Variants in KCNH5 observed in about 807,000 individuals in gnomAD.
The protein encoded by KCNH5 is potassium voltage-gated channel subfamily H member 5.
Under a neutral mutation model 96.1 loss-of-function variants are expected in KCNH5, and 46 were observed. The ratio of observed to expected loss-of-function variants is 0.48; its 90% confidence interval spans 0.38 to 0.61. The LOEUF (loss-of-function observed/expected upper bound fraction) is 0.61. Among genes scored for constraint, KCNH5 ranks in the 20% least tolerant of loss-of-function variants. The pLI, the probability that KCNH5 is intolerant of heterozygous loss-of-function variation, is 0.00. For missense variants in KCNH5, 907 were observed against 1,225.8 expected (o/e 0.74, Z 3.88); for synonymous variants, 439 against 449.8 (o/e 0.98, Z 0.30).
intron 6 of KCNH5, among the ~76,000 whole-genome samples, chr14:62,962,398 G>C (rs1487127728): frequency 6.6e-6 from 1 of 152,096 alleles, no homozygotes; most frequent in Admixed American, 6.6e-5. Flanking sequence ...AAACTGCAAT[G>C]GATTAATTAA....
At chr14:63,027,379 T>C (rs939299605) in intron 1 of KCNH5, among the ~76,000 whole-genome samples, 2 of 151,630 alleles carry the variant, frequency 1.3e-5, no homozygotes, top group Non-Finnish European at 2.9e-5. Context: ...AGTGAGGTAA[T>C]GAATATATGA....
At position 62,716,666 on chromosome 14, in the gene KCNH5, T is replaced by C. The variant is rs1884692822; in HGVS notation, c.2020-8211A>G. 3.3e-5 allele frequency among the ~76,000 whole-genome samples: 5 copies of C among 152,140 alleles called. No homozygotes were observed. In the South Asian group the frequency reaches 1.0e-3, roughly 31 times the overall value. ...ATAATTTTCAGAGCCCGATGCAAGA[T>C]TAAAAAGTCAGGGCCTCTAACATCA... is the stretch of plus-strand genomic sequence containing the variant. On this transcript the variant is annotated intron_variant, in intron 10 of 10. Coordinates refer to ENST00000322893, the MANE Select transcript of KCNH5 (RefSeq NM_139318.5).
At chr14:62,922,355 T>C (rs1889396161) in intron 7 of KCNH5, among the ~76,000 whole-genome samples, 1 of 152,080 alleles carries the variant, frequency 6.6e-6, no homozygotes, top group Non-Finnish European at 1.5e-5. Flanking sequence ...ATTTACATTA[T>C]ATAGTAGACA....
At chr14:62,907,690 T>A (rs1566703213) in intron 7 of KCNH5, among the ~76,000 whole-genome samples, 1 of 152,210 alleles carries the variant, frequency 6.6e-6, no homozygotes, top group Non-Finnish European at 1.5e-5. Context: ...AGGATTGCCA[T>A]ACCTAGTCAT....
Position 62,706,950 on chromosome 14 carries a change from C to T in KCNH5, c.*558G>A, listed in dbSNP as rs1358551436. 2.0e-5 allele frequency: 3 copies of T among 152,296 alleles called. No homozygotes were observed. The highest frequency in any genetic ancestry group is 7.2e-5 in the African/African-American group (3 of 41,562). The allele number at this position is 152,296 out of a possible 1,614,324, so 9.4% of individuals were successfully genotyped here. A position where few individuals can be genotyped will look rare whatever the true frequency, so the allele number is the denominator to read the frequency against. On this transcript the variant is annotated 3_prime_UTR_variant, in exon 11 of 11. Coordinates refer to ENST00000322893, the MANE Select transcript of KCNH5 (RefSeq NM_139318.5). ...AGTTTTCAATATCCCACACTCTTAT[C>T]TGACTTAGGCAACTAAACAGTCATT...
At chr14:63,020,604 G>A (rs1891407826) in intron 1 of KCNH5, among the ~76,000 whole-genome samples, 1 of 152,058 alleles carries the variant, frequency 6.6e-6, no homozygotes, top group African/African-American at 2.4e-5. Context: ...AATATTATAT[G>A]ATGATAGGGA....
chr14:62,735,798 G>A (rs1885143765), intron 10 of KCNH5, among the ~76,000 whole-genome samples: 1 of 152,124 alleles, frequency 6.6e-6, no homozygotes, highest in Non-Finnish European at 1.5e-5. Flanking sequence ...CAAAAAAATG[G>A]TTATTAGGAT....
rs1418946565 is a variant in KCNH5, at chr14:62,924,090, C to T, written c.1369+26043G>A. On this transcript the variant is annotated intron_variant, in intron 7 of 10. Transcript: ENST00000322893. ...ACTAATCTGATAAGAGGTTAATATC[C>T]AAAATATATAAGGAACCCATACAAC... 2.0e-5 allele frequency among the ~76,000 whole-genome samples: 3 copies of T among 151,766 alleles called. No individual in the cohort carries two copies. In the East Asian group the frequency reaches 5.8e-4, roughly 29 times the overall value.
At chr14:62,999,097 G>T (rs10136345) in intron 4 of KCNH5, among the ~76,000 whole-genome samples, 94 of 152,108 alleles carry the variant, frequency 6.2e-4, no homozygotes, top group South Asian at 3.9e-3. Context: ...TCTAGATCCC[G>T]GAGGAATCGC....
chr14:62,926,832 G>T (rs1485812468), intron 7 of KCNH5, among the ~76,000 whole-genome samples: 2 of 152,020 alleles, frequency 1.3e-5, no homozygotes, highest in Admixed American at 1.3e-4. Context: ...TGAAATTGAG[G>T]GAGACACAAT....
intron 8 of KCNH5, among the ~76,000 whole-genome samples, chr14:62,823,582 C>T (rs991421368): frequency 6.6e-6 from 1 of 152,078 alleles, no homozygotes; most frequent in Non-Finnish European, 1.5e-5. Flanking sequence ...ATCCATTTAA[C>T]CCCTCCTGTC....
At chr14:62,949,883 C>A (rs1889966193) in intron 7 of KCNH5, 1 of 306,404 alleles carries the variant, frequency 3.3e-6, no homozygotes, top group East Asian at 7.2e-5. Flanking sequence ...GGATGCTGGT[C>A]CTGGTTCCTT....
rs989083599 is a variant in KCNH5, at chr14:62,706,773, T to A, written c.*735A>T. ...AGTTTAGTATTTATGATGTTGATAA[T>A]GTCAGCTTACAAGATGGCAGCTGTT... On this transcript the variant is annotated 3_prime_UTR_variant, in exon 11 of 11. Transcript: ENST00000322893. 1.3e-5 allele frequency: 2 copies of A among 152,172 alleles called. No homozygotes were observed. The highest frequency in any genetic ancestry group is 4.8e-5 in the African/African-American group (2 of 41,454). The allele number at this position is 152,172 out of a possible 1,614,324, so 9.4% of individuals were successfully genotyped here. A position where few individuals can be genotyped will look rare whatever the true frequency, so the allele number is the denominator to read the frequency against.
At chr14:62,715,179 G>A (rs1328237037) in intron 10 of KCNH5, among the ~76,000 whole-genome samples, 2 of 152,058 alleles carry the variant, frequency 1.3e-5, no homozygotes, top group Non-Finnish European at 2.9e-5. Context: ...ATTTGAATGT[G>A]TACTGAACTT....
rs1243527176 is a variant in KCNH5 at position 62,981,102 on chromosome 14, A to C, written c.712T>G (p.Phe238Val). 1 of 1,614,228 alleles carries C rather than the reference A, an allele frequency of 6.2e-7. No individual in the cohort carries two copies. Among genetic ancestry groups the C allele is most frequent in the Non-Finnish European group, 8.5e-7 (1 of 1,180,040 alleles). ...TAIMVPYNVS[F>V]KTKQNNIAWL... ...GCTATGTTGTTCTGCTTTGTTTTGA[A>C]GGAAACATTATAAGGAACCATAATG... The change falls in exon 6 of 11, where the codon TTC becomes GTC. Residue 238 changes from phenylalanine (F) to valine (V), a missense_variant. Coordinates refer to ENST00000322893, the MANE Select transcript of KCNH5 (RefSeq NM_139318.5).
At position 62,702,867 on chromosome 14, in the gene KCNH5, T is replaced by C. The variant is rs1340930259; in HGVS notation, c.*4641A>G. 2.0e-5 allele frequency: 3 copies of C among 151,836 alleles called. No homozygotes were observed. Among genetic ancestry groups the C allele is most frequent in the Non-Finnish European group, 4.4e-5 (3 of 67,820 alleles). The allele number at this position is 151,836 out of a possible 1,614,324, so 9.4% of individuals were successfully genotyped here. ...ATAGTTAAGAATTTTGTTATAAGAG[T>C]GTCTGCCCATGTGGAATCATATATC... On this transcript the variant is annotated 3_prime_UTR_variant, in exon 11 of 11. Transcript: ENST00000322893.
intron 5 of KCNH5, among the ~76,000 whole-genome samples, chr14:62,982,013 G>C (rs1890617829): frequency 6.6e-6 from 1 of 152,124 alleles, no homozygotes; most frequent in Non-Finnish European, 1.5e-5. Context: ...AAGAGTAGAG[G>C]TTTGTGTATC....
intron 7 of KCNH5, among the ~76,000 whole-genome samples, chr14:62,909,548 C>T (rs891238049): frequency 6.6e-6 from 1 of 152,194 alleles, no homozygotes; most frequent in Non-Finnish European, 1.5e-5. Context: ...TCCTCTCACA[C>T]CTTGTATGCA....
chr14:62,733,847 T>C (rs1435702434), intron 10 of KCNH5, among the ~76,000 whole-genome samples: 3 of 152,166 alleles, frequency 2.0e-5, no homozygotes, highest in African/African-American at 7.2e-5. Flanking sequence ...CTTCAAACAC[T>C]GGTGCTCCCC....
Sources: allele counts gnomAD v4.1 joint callset (sites outside exome capture counted in the v4.1 genomes callset), GRCh38; gene constraint gnomAD v4.1.1; transcripts MANE v1.5; gene names NCBI Gene and HGNC (gene_info 2026-07-23, HGNC 2026-07-21).